CNKSR2: variants seen among roughly 807,000 people sequenced by gnomAD.
CNKSR2 encodes CNK homolog protein 2.
In CNKSR2, 14 loss-of-function variants were observed where a neutral mutation model predicts 84.4. The ratio of observed to expected loss-of-function variants is 0.17; its 90% CI spans 0.11 to 0.26. CNKSR2 has a LOEUF of 0.26. Among genes scored for constraint, CNKSR2 ranks in the 10% least tolerant of loss-of-function variants. The pLI is 1.00. For synonymous variants in CNKSR2, 275 were observed against 277.9 expected, an observed-to-expected ratio of 0.99 and a Z score of 0.10; for missense variants, 485 against 771.2, an observed-to-expected ratio of 0.63 and a Z score of 4.40.
chrX:21,541,968 A>G (rs1396717146), intron 11 of CNKSR2, among the ~76,000 whole-genome samples: 1 of 111,578 alleles, frequency 9.0e-6, no homozygotes, highest in Non-Finnish European at 1.9e-5. Context: ...TAAATTCAAG[A>G]ATTTGATTCC....
chrX:21,452,311 C>G (rs752327090), intron 4 of CNKSR2, among the ~76,000 whole-genome samples: 1 of 111,159 alleles, frequency 9.0e-6, no homozygotes, highest in South Asian at 3.8e-4. Flanking sequence ...CCAGGTTGGT[C>G]TCGAACTCCT....
intron 8 of CNKSR2, among the ~76,000 whole-genome samples, chrX:21,512,685 T>C (rs1341312308): frequency 1.8e-5 from 2 of 111,458 alleles, no homozygotes; most frequent in Admixed American, 1.9e-4. Context: ...GGACACAAAA[T>C]AGATTAAAAA....
intron 11 of CNKSR2, among the ~76,000 whole-genome samples, chrX:21,551,565 G>A (rs1569237589): frequency 8.9e-6 from 1 of 112,092 alleles, no homozygotes; most frequent in Non-Finnish European, 1.9e-5. Context: ...AAGCCAAGAA[G>A]AGAAACAGTC....
At chrX:21,400,099 A>G (rs1746029498) in intron 1 of CNKSR2, among the ~76,000 whole-genome samples, 1 of 111,353 alleles carries the variant, frequency 9.0e-6, no homozygotes, top group African/African-American at 3.3e-5. Context: ...GAAGCTAATT[A>G]TTGTTACAAC....
chrX:21,427,694 A>T (rs2090583817), intron 2 of CNKSR2: 1 of 112,426 alleles, frequency 8.9e-6, no homozygotes, highest in African/African-American at 3.2e-5. Flanking sequence ...CAACAATTAC[A>T]TATTCATGCT....
intron 20 of CNKSR2, among the ~76,000 whole-genome samples, chrX:21,620,820 GA>G (rs199864277): frequency 9.1e-6 from 1 of 110,258 alleles, no homozygotes; most frequent in Non-Finnish European, 1.9e-5. Flanking sequence ...GATTGATATG[GA>G]AAAAAAATCC....
At chrX:21,573,664 G>C (rs761267610) in intron 13 of CNKSR2, among the ~76,000 whole-genome samples, 11 of 111,674 alleles carry the variant, frequency 9.9e-5, no homozygotes, top group Admixed American at 4.7e-4. Context: ...GCCATGACTG[G>C]AGTGGCTGGG....
At position 21,546,655 on chromosome X, in the gene CNKSR2, A is replaced by T. The variant is rs546107551; in HGVS notation, c.1303+14588A>T. ...ATTTACCAAGTTTGAAATGAAGGAA[A>T]AAAAGGTTAAGGGCAGCCAGAGAGA... is the stretch of plus-strand genomic sequence containing the variant. On this transcript the variant is annotated intron_variant, in intron 11 of 21. Coordinates refer to ENST00000379510, the MANE Select transcript of CNKSR2 (RefSeq NM_014927.5). Among the ~76,000 whole-genome samples the T allele has an allele frequency of 7.2e-4, 80 of 111,624 alleles. 1 individual carries two copies. The South Asian group carries it at 0.029, about 40-fold the overall frequency.
At chrX:21,418,199 A>G (rs1338928785) in intron 1 of CNKSR2, among the ~76,000 whole-genome samples, 1 of 111,753 alleles carries the variant, frequency 8.9e-6, no homozygotes, top group East Asian at 2.8e-4. Flanking sequence ...TACTCCCACT[A>G]TTTAACTTTT....
At chrX:21,625,714 G>A (rs1337211863) in intron 20 of CNKSR2, among the ~76,000 whole-genome samples, 2 of 111,748 alleles carry the variant, frequency 1.8e-5, no homozygotes, top group Non-Finnish European at 3.8e-5. Flanking sequence ...GCTAGAAATA[G>A]CATTCTTTGA....
At chrX:21,463,555 G>T (rs2091088456) in intron 4 of CNKSR2, among the ~76,000 whole-genome samples, 1 of 111,234 alleles carries the variant, frequency 9.0e-6, no homozygotes, top group African/African-American at 3.3e-5. Context: ...TTAAATTTTG[G>T]CAGGTTGTGT....
intron 20 of CNKSR2, among the ~76,000 whole-genome samples, chrX:21,611,776 A>C (rs925070968): frequency 1.8e-5 from 2 of 111,559 alleles, no homozygotes; most frequent in African/African-American, 3.3e-5. Context: ...ATAAGATAGA[A>C]CAGACCTAGT....
chrX:21,516,392 CT>C (rs397841414), intron 8 of CNKSR2, 92 bp from the exon 9 acceptor site: 2,127 of 813,904 alleles, frequency 2.6e-3, no homozygotes, highest in South Asian at 3.1e-3. Flanking sequence ...AATTATGTGA[CT>C]TTTTTTTTTA....
intron 5 of CNKSR2, among the ~76,000 whole-genome samples, chrX:21,487,558 A>G (rs2091398561): frequency 8.9e-6 from 1 of 112,036 alleles, no homozygotes; most frequent in Non-Finnish European, 1.9e-5. Context: ...TTAGCATGCT[A>G]TCCAAGTATC....
At chrX:21,519,722 C>T (rs1014759020) in intron 9 of CNKSR2, among the ~76,000 whole-genome samples, 55 of 111,067 alleles carry the variant, frequency 5.0e-4, no homozygotes, top group African/African-American at 1.7e-3. Flanking sequence ...GTTTATTTAA[C>T]TCAATATGTC....
intron 11 of CNKSR2, among the ~76,000 whole-genome samples, chrX:21,558,812 A>G (rs2092162178): frequency 9.0e-6 from 1 of 111,409 alleles, no homozygotes; most frequent in Admixed American, 9.6e-5. Flanking sequence ...ATATCTAACT[A>G]GCTTTTTAAT....
intron 3 of CNKSR2, among the ~76,000 whole-genome samples, chrX:21,437,529 C>T (rs1443192930): frequency 1.9e-5 from 2 of 104,482 alleles, no homozygotes; most frequent in African/African-American, 7.0e-5. Flanking sequence ...AAGCGATTCT[C>T]CTGCCTCAGT....
chrX:21,394,906 G>T (rs1166431416), intron 1 of CNKSR2, among the ~76,000 whole-genome samples: 1 of 111,572 alleles, frequency 9.0e-6, no homozygotes, highest in East Asian at 2.8e-4. Context: ...ACAGGCAATT[G>T]TAAGAAACAA....
chrX:21,572,612 C>A (rs1033539199), intron 13 of CNKSR2, among the ~76,000 whole-genome samples: 2 of 111,445 alleles, frequency 1.8e-5, no homozygotes, highest in Admixed American at 1.9e-4. Flanking sequence ...CACATGGCGA[C>A]AGCAAGGAAA....
Sources: allele counts gnomAD v4.1 joint callset (sites outside exome capture counted in the v4.1 genomes callset), GRCh38; gene constraint gnomAD v4.1.1; transcripts MANE v1.5; gene names NCBI Gene and HGNC (gene_info 2026-07-23, HGNC 2026-07-21).